The following PIGF variants were observed in gnomAD, a reference collection of about 807,000 sequenced individuals.
PIGF encodes phosphatidylinositol glycan anchor biosynthesis class F, also known as GPI ethanolamine phosphate transferase, stabilizing subunit.
A neutral mutation model predicts 26.0 loss-of-function variants in PIGF; 23 were observed. The ratio of observed to expected loss-of-function variants is 0.88; its 90% confidence interval spans 0.64 to 1.25. PIGF has a LOEUF of 1.25. PIGF is among the 50% of genes most tolerant of loss of function. The pLI is 0.00. For synonymous variants in PIGF, 93 were observed against 92.6 expected (o/e 1.00, Z -0.03); for missense variants, 278 against 249.9 (o/e 1.11, Z -0.76).
At chr2:46,584,614 T>C (rs1669507449) in intron 5 of PIGF, among the ~76,000 whole-genome samples, 1 of 152,176 alleles carries the variant, frequency 6.6e-6, no homozygotes, top group Non-Finnish European at 1.5e-5. Flanking sequence ...GAACACTTGG[T>C]TATTCATGTT....
intron 4 of PIGF, among the ~76,000 whole-genome samples, chr2:46,594,629 G>A (rs962299568): frequency 2.0e-5 from 3 of 151,498 alleles, no homozygotes; most frequent in South Asian, 2.1e-4. Flanking sequence ...TCCACCTCCC[G>A]GGTTCAAGCC....
At chr2:46,606,117 A>G (rs1464189084) in intron 4 of PIGF, among the ~76,000 whole-genome samples, 1 of 152,180 alleles carries the variant, frequency 6.6e-6, no homozygotes, top group Non-Finnish European at 1.5e-5. Flanking sequence ...GCAAGAAGAA[A>G]GTTAAGTACT....
intron 5 of PIGF, among the ~76,000 whole-genome samples, chr2:46,586,017 G>A (rs1301295346): frequency 7.2e-5 from 11 of 152,032 alleles, no homozygotes; most frequent in African/African-American, 2.2e-4. Flanking sequence ...CTCGTGATCC[G>A]TCTGCCTCAG....
At chr2:46,602,968 A>G (rs1670106275) in intron 4 of PIGF, among the ~76,000 whole-genome samples, 1 of 151,970 alleles carries the variant, frequency 6.6e-6, no homozygotes. Flanking sequence ...GGAAAAACCT[A>G]AAGACTACCA....
intron 2 of PIGF, chr2:46,614,344 A>T (rs1410553093): frequency 6.5e-6 from 1 of 153,366 alleles, no homozygotes; most frequent in East Asian, 1.9e-4. Flanking sequence ...TAAACATAAC[A>T]CATACATTCA....
rs565980777 is a variant in PIGF at position 46,593,138 on chromosome 2, T to TC, written c.438-556_438-555insG. Among the ~76,000 whole-genome samples the TC allele has an allele frequency of 4.4e-3, 667 of 151,102 alleles. 4 individuals carry two copies. The highest frequency in any genetic ancestry group is 0.016 in the African/African-American group (646 of 41,208). ...TCATTTATTCAACCAGTCTTTCTTT[T>TC]TTTTTTTTTTTTTCAGACGGAGTCT... On this transcript the variant is annotated intron_variant, in intron 4 of 5. Coordinates refer to ENST00000281382, the MANE Select transcript of PIGF (RefSeq NM_002643.4).
At chr2:46,587,989 C>A in intron 5 of PIGF, 1 of 1,136,886 alleles carries the variant, frequency 8.8e-7, no homozygotes, top group East Asian at 3.1e-5. Context: ...TCTCCCTCTT[C>A]CCACCTGAGT....
chr2:46,585,326 T>G (rs1270756330), intron 5 of PIGF, among the ~76,000 whole-genome samples: 2 of 152,216 alleles, frequency 1.3e-5, no homozygotes, highest in Non-Finnish European at 2.9e-5. Context: ...TTACATTTTT[T>G]TAGCCAGTAA....
chr2:46,603,185 TA>T lies in PIGF; in HGVS notation c.437+9042del, dbSNP rs979586240. The stretch of plus-strand genomic sequence containing the variant: ...TGAAATATATCTACAATGAAAACTA[TA>T]AAACACTGATGAAAGAAATTGAAGA... On this transcript the variant is annotated intron_variant, in intron 4 of 5. Coordinates refer to ENST00000281382, the MANE Select transcript of PIGF (RefSeq NM_002643.4). 4.4e-4 allele frequency among the ~76,000 whole-genome samples: 67 copies of T among 151,998 alleles called. 1 individual carries two copies. The highest frequency in any genetic ancestry group is 1.3e-3 in the African/African-American group (54 of 41,508).
Position 46,588,341 on chromosome 2 carries a change from C to A in PIGF, c.546+4134G>T. The A allele has an allele frequency of 1.1e-6, 1 of 903,030 alleles. No homozygotes were observed. Among genetic ancestry groups the A allele is most frequent in the South Asian group, 1.9e-5 (1 of 52,258 alleles). 55.9% of individuals were successfully genotyped at this position (903,030 alleles called of 1,614,324 possible). The stretch of plus-strand genomic sequence containing the variant: ...CAAACTGAGACAATTAACATATTCT[C>A]TAATATATGAGAACTCAAATAAATC... On this transcript the variant is annotated intron_variant, in intron 5 of 5. Transcript: ENST00000281382. This position sits in a 1 kb window ranked among gnomAD's most constrained non-coding sequence, Gnocchi z 4.1.
chr2:46,586,742 C>T (rs1188417266), intron 5 of PIGF, among the ~76,000 whole-genome samples: 2 of 152,182 alleles, frequency 1.3e-5, no homozygotes, highest in Non-Finnish European at 2.9e-5. Flanking sequence ...TTTATATTCT[C>T]CTCCAAAATT....
At chr2:46,595,901 T>G (rs929382554) in intron 4 of PIGF, among the ~76,000 whole-genome samples, 2 of 152,054 alleles carry the variant, frequency 1.3e-5, no homozygotes, top group African/African-American at 4.8e-5. Flanking sequence ...AACGCAACTT[T>G]ACGATCAGAG....
chr2:46,617,019 A>G lies in PIGF; in HGVS notation c.-71T>C. On this transcript the variant is annotated 5_prime_UTR_variant, in exon 1 of 6. The change abolishes an upstream ATG in the 5' untranslated region. Coordinates refer to ENST00000281382, the MANE Select transcript of PIGF (RefSeq NM_002643.4). Reference sequence around the variant, plus strand: ...AAGCGGGGAACTACTGCCTCCTACCATCAGGTACGACGGGCGGCCCAGGCC... The same window carrying G: ...AAGCGGGGAACTACTGCCTCCTACCGTCAGGTACGACGGGCGGCCCAGGCC... The G allele has an allele frequency of 1.7e-6, 1 of 582,006 alleles. No homozygotes were observed. The highest frequency in any genetic ancestry group is 3.1e-5 in the Admixed American group (1 of 32,068). The allele number at this position is 582,006 out of a possible 1,614,324, so 36.1% of individuals were successfully genotyped here. A position where few individuals can be genotyped will look rare whatever the true frequency, so the allele number is the denominator to read the frequency against.
At chr2:46,593,609 C>T (rs1225012069) in intron 4 of PIGF, among the ~76,000 whole-genome samples, 1 of 152,198 alleles carries the variant, frequency 6.6e-6, no homozygotes, top group Non-Finnish European at 1.5e-5. Flanking sequence ...TTCTGCCATT[C>T]TCTTAGTAGG....
At chr2:46,598,894 T>C (rs1669971491) in intron 4 of PIGF, among the ~76,000 whole-genome samples, 2 of 152,326 alleles carry the variant, frequency 1.3e-5, no homozygotes, top group Admixed American at 1.3e-4. Flanking sequence ...TTAAAACAGC[T>C]GACTGGATGC....
chr2:46,587,376 C>A (rs1669609802), intron 5 of PIGF, among the ~76,000 whole-genome samples: 1 of 151,620 alleles, frequency 6.6e-6, no homozygotes, highest in Non-Finnish European at 1.5e-5. Flanking sequence ...TCTGTGGCAT[C>A]TGTGACTTTA....
intron 4 of PIGF, among the ~76,000 whole-genome samples, chr2:46,597,080 A>G (rs182657116): frequency 1.6e-4 from 24 of 152,196 alleles, no homozygotes; most frequent in Admixed American, 4.6e-4. Context: ...CGCTCCTTCC[A>G]TCTTTTTGGA....
chr2:46,588,009 C>G lies in PIGF; in HGVS notation c.546+4466G>C. On this transcript the variant is annotated intron_variant, in intron 5 of 5. Coordinates refer to ENST00000281382, the MANE Select transcript of PIGF (RefSeq NM_002643.4). The surrounding 1 kb of genome is among the most constrained non-coding windows in gnomAD (Gnocchi z 4.1). ...CTCTTCCCACCTGAGTAATGCTAAG[C>G]AAGATGTGTACTCCTCCCCTCTCAC... 1 of 1,357,830 alleles carries G rather than the reference C, an allele frequency of 7.4e-7. No individual in the cohort carries two copies. The highest frequency in any genetic ancestry group is 9.7e-7 in the Non-Finnish European group (1 of 1,028,784). 84.1% of individuals were successfully genotyped at this position (1,357,830 alleles called of 1,614,324 possible). A position where few individuals can be genotyped will look rare whatever the true frequency, so the allele number is the denominator to read the frequency against.
chr2:46,591,519 T>G (rs1385714958), intron 5 of PIGF: 2 of 880,758 alleles, frequency 2.3e-6, no homozygotes, highest in Non-Finnish European at 2.7e-6. Context: ...TAATTCTTTT[T>G]GGGAGTAATT....
Sources: gnomAD v4.1 joint callset for allele counts (sites outside exome capture counted in the v4.1 genomes callset) on GRCh38, gnomAD v4.1.1 for gene constraint, Gnocchi (gnomAD v3.1) non-coding constraint, MANE v1.5 for transcripts, NCBI Gene and HGNC (gene_info 2026-07-23, HGNC 2026-07-21) for gene names.